The following PLEKHG1 variants were observed in gnomAD, a reference collection of about 807,000 sequenced individuals.
PLEKHG1 encodes pleckstrin homology and RhoGEF domain containing G1.
Under a neutral mutation model 100.8 loss-of-function variants are expected in PLEKHG1, and 44 were observed. That is an observed-to-expected ratio of 0.44 (90% CI 0.34 to 0.56). The LOEUF (loss-of-function observed/expected upper bound fraction) is 0.56. Ranked by LOEUF, PLEKHG1 falls within the 20% of genes least tolerant of loss-of-function variation. PLEKHG1 has a pLI of 0.01. For missense variants in PLEKHG1, 1,545 were observed against 1,720.9 expected (o/e 0.90, Z 1.81); for synonymous variants, 640 against 662.5 (o/e 0.97, Z 0.52).
intron 10 of PLEKHG1, among the ~76,000 whole-genome samples, chr6:150,812,353 G>A (rs1787579298): frequency 6.6e-6 from 1 of 152,186 alleles, no homozygotes; most frequent in African/African-American, 2.4e-5. Context: ...AAGCGGGTGG[G>A]GGGATTTGGA....
intron 3 of PLEKHG1, among the ~76,000 whole-genome samples, chr6:150,674,972 C>A (rs1779709359): frequency 6.6e-6 from 1 of 152,160 alleles, no homozygotes; most frequent in African/African-American, 2.4e-5. Flanking sequence ...TGTGAGCCAC[C>A]ATGCCCGGCC....
rs777126277 is a variant in PLEKHG1 at position 150,840,021 on chromosome 6, G to A, written c.3283G>A (p.Ala1095Thr). The A allele has an allele frequency of 2.6e-5, 42 of 1,614,062 alleles. No individual in the cohort carries two copies. The highest frequency in any genetic ancestry group is 3.3e-5 in the Non-Finnish European group (39 of 1,180,034). Residue 1095 changes from alanine (A) to threonine (T), a missense_variant, in exon 16 of 16, where the codon GCA becomes ACA. Transcript: ENST00000358517. ...TTCAACCTATAGTAATGGAGAGTTA[G>A]CAGATTTCTGTCTCCCACCAGAGCA...
chr6:150,788,706 C>T (rs1367628234), intron 4 of PLEKHG1, among the ~76,000 whole-genome samples: 1 of 152,206 alleles, frequency 6.6e-6, no homozygotes, highest in African/African-American at 2.4e-5. Flanking sequence ...CTCATCTTGA[C>T]TGGCAGCAAG....
chr6:150,843,103 A>C (rs1777604198), exon 16 of PLEKHG1: 1 of 152,054 alleles, frequency 6.6e-6, no homozygotes, highest in Non-Finnish European at 1.5e-5. Context: ...GCTGTTTCGC[A>C]TTTTCGCTTT....
At chr6:150,775,472 T>G (rs1784913665) in intron 3 of PLEKHG1, among the ~76,000 whole-genome samples, 1 of 152,220 alleles carries the variant, frequency 6.6e-6, no homozygotes, top group Non-Finnish European at 1.5e-5. Flanking sequence ...CTTTTCTTTA[T>G]TCAGTATACC....
chr6:150,721,214 T>C lies in PLEKHG1; in HGVS notation c.-99+14T>C, dbSNP rs138186598. On this transcript the variant is annotated intron_variant, in intron 1 of 15. Coordinates refer to ENST00000358517, the Ensembl canonical transcript of PLEKHG1. ...AGTGGAGCAGAGGTAGGTGCTAATG[T>C]GAGTGTCCCCAAAGAAAGGATGCAG... 6.5e-5 allele frequency: 63 copies of C among 976,054 alleles called. No homozygotes were observed. The African/African-American group carries it at 1.1e-3, about 16-fold the overall frequency. The allele number at this position is 976,054 out of a possible 1,614,324, so 60.5% of individuals were successfully genotyped here.
intron 15 of PLEKHG1, among the ~76,000 whole-genome samples, chr6:150,837,339 G>C (rs2128692734): frequency 6.6e-6 from 1 of 152,290 alleles, no homozygotes; most frequent in African/African-American, 2.4e-5. Flanking sequence ...AGAAGATAGG[G>C]CTTATGGAGA....
chr6:150,780,135 T>A (rs1324535987), intron 3 of PLEKHG1, among the ~76,000 whole-genome samples: 1 of 126,232 alleles, frequency 7.9e-6, no homozygotes. Flanking sequence ...TCCTTTTCTT[T>A]AATTTTTTTT....
Position 150,683,636 on chromosome 6 carries a change from A to G in PLEKHG1, c.-99+32850A>G. The G allele has an allele frequency of 2.4e-6, 1 of 412,722 alleles. No homozygotes were observed. Among genetic ancestry groups the G allele is most frequent in the Non-Finnish European group, 4.3e-6 (1 of 233,866 alleles). The allele number at this position is 412,722 out of a possible 1,614,324, so 25.6% of individuals were successfully genotyped here. On this transcript the variant is annotated intron_variant, in intron 3 of 3. Transcript: ENST00000367326. This position sits in a 1 kb window ranked among gnomAD's most constrained non-coding sequence, Gnocchi z 4.0. ...TTGGGGAAAACCTTGGACACTGTGC[A>G]TCCACCTGCTATAACTGGCAAACTA...
Position 150,779,946 on chromosome 6 carries a change from G to C in PLEKHG1, c.513-6444G>C, listed in dbSNP as rs895927511. Among the ~76,000 whole-genome samples the C allele has an allele frequency of 2.0e-5, 3 of 151,094 alleles. No homozygotes were observed. The South Asian group carries it at 6.4e-4, about 32-fold the overall frequency. On this transcript the variant is annotated intron_variant, in intron 3 of 15. Coordinates refer to ENST00000358517, the Ensembl canonical transcript of PLEKHG1. The stretch of plus-strand genomic sequence containing the variant: ...CTACTGCACACCAGCCTGGGTGACA[G>C]AGCGAGACTCCGTCTCAAAAAAAAA...
intron 3 of PLEKHG1, among the ~76,000 whole-genome samples, chr6:150,711,250 C>T (rs1424408549): frequency 1.3e-5 from 2 of 152,122 alleles, no homozygotes; most frequent in African/African-American, 4.8e-5. Flanking sequence ...CCGCTCTACC[C>T]TATGCGCCCC....
intron 2 of PLEKHG1, among the ~76,000 whole-genome samples, chr6:150,746,984 T>C (rs1783199856): frequency 6.6e-6 from 1 of 152,290 alleles, no homozygotes; most frequent in Admixed American, 6.5e-5. Flanking sequence ...CATTTTGACT[T>C]TTAATGAACA....
At chr6:150,751,624 T>A (rs1002398275) in intron 2 of PLEKHG1, among the ~76,000 whole-genome samples, 1 of 152,198 alleles carries the variant, frequency 6.6e-6, no homozygotes, top group Admixed American at 6.5e-5. Context: ...CTATTTACCC[T>A]ACATGTTTAA....
At chr6:150,791,777 G>T (rs1289763603) in intron 4 of PLEKHG1, among the ~76,000 whole-genome samples, 1 of 151,920 alleles carries the variant, frequency 6.6e-6, no homozygotes, top group Non-Finnish European at 1.5e-5. Context: ...CAAAACTAAG[G>T]TTCCAAAAAG....
intron 3 of PLEKHG1, among the ~76,000 whole-genome samples, chr6:150,673,161 T>C (rs1779633632): frequency 6.6e-6 from 1 of 152,222 alleles, no homozygotes; most frequent in Non-Finnish European, 1.5e-5. Context: ...CTGCAGTTCT[T>C]ATGCCATAGA....
chr6:150,733,748 G>A (rs755658641), exon 2 of PLEKHG1: 2 of 1,613,994 alleles, frequency 1.2e-6, no homozygotes, highest in East Asian at 2.2e-5. Context: ...CTCTTCCCGC[G>A]ACAGCCATGG....
chr6:150,634,250 C>CAAA lies in PLEKHG1; in HGVS notation c.-203-3820_-203-3818dup, dbSNP rs139347441. Among the ~76,000 whole-genome samples, 375 of 120,336 alleles carry CAAA rather than the reference C, an allele frequency of 3.1e-3. 11 individuals are homozygous for CAAA. The South Asian group carries it at 0.039, about 13-fold the overall frequency. 78.9% of individuals were successfully genotyped at this position (120,336 alleles called of 152,430 possible). ...CAAGAGCAAAACTCGATCTCCCCCC[C>CAAA]AAAAAAAAAAAAGAAAAAAAGAGGA... On this transcript the variant is annotated intron_variant, in intron 1 of 3. Transcript: ENST00000367326.
chr6:150,731,300 A>G (rs1782239915), intron 1 of PLEKHG1, among the ~76,000 whole-genome samples: 1 of 152,210 alleles, frequency 6.6e-6, no homozygotes, highest in Non-Finnish European at 1.5e-5. Context: ...GAATATTGCA[A>G]AAGCTTTAAA....
At chr6:150,740,357 T>G (rs1782784216) in intron 2 of PLEKHG1, among the ~76,000 whole-genome samples, 1 of 152,242 alleles carries the variant, frequency 6.6e-6, no homozygotes, top group African/African-American at 2.4e-5. Flanking sequence ...GGAATGGTTG[T>G]GCATAGGCAT....
Sources: allele counts gnomAD v4.1 joint callset (sites outside exome capture counted in the v4.1 genomes callset), GRCh38; gene constraint gnomAD v4.1.1; non-coding constraint Gnocchi (gnomAD v3.1); transcripts MANE v1.5; gene names NCBI Gene and HGNC (gene_info 2026-07-23, HGNC 2026-07-21).